The following ALPK1 variants were observed in gnomAD, a reference collection of about 807,000 sequenced individuals.
ALPK1 encodes alpha kinase 1.
Under a neutral mutation model 120.6 loss-of-function variants are expected in ALPK1, and 110 were observed. The observed-to-expected ratio is 0.91, with a 90% CI of 0.78 to 1.07. The LOEUF (loss-of-function observed/expected upper bound fraction) is 1.07, where lower values mean the gene tolerates loss of function less well. Ranked by LOEUF, ALPK1 falls within the 50% of genes least tolerant of loss-of-function variation. The pLI is 0.00. For missense variants in ALPK1, 1,498 were observed against 1,483.9 expected (o/e 1.01, Z -0.16); for synonymous variants, 582 against 560.3 (o/e 1.04, Z -0.55).
At chr4:112,391,966 A>G in intron 4 of ALPK1, among the ~76,000 whole-genome samples, 1 of 110,504 alleles carries the variant, frequency 9.0e-6, no homozygotes, top group South Asian at 3.0e-4. Context: ...ACCCCAGTCC[A>G]CAGGAAAAAA....
intron 2 of ALPK1, chr4:112,356,430 G>A: frequency 1.1e-6 from 1 of 913,312 alleles, no homozygotes. Flanking sequence ...AGACCCCTTA[G>A]CTTGCTACAC....
At chr4:112,392,428 A>G (rs1307444045) in intron 4 of ALPK1, among the ~76,000 whole-genome samples, 1 of 152,100 alleles carries the variant, frequency 6.6e-6, no homozygotes, top group East Asian at 1.9e-4. Flanking sequence ...CCCTAATCCT[A>G]CTGTAACTAT....
chr4:112,323,267 A>T (rs564650529), intron 2 of ALPK1, among the ~76,000 whole-genome samples: 2 of 152,124 alleles, frequency 1.3e-5, no homozygotes, highest in Admixed American at 6.5e-5. Context: ...AAAAATCATT[A>T]TTTTTTTCCT....
At chr4:112,324,171 C>T (rs1046129493) in intron 2 of ALPK1, among the ~76,000 whole-genome samples, 1 of 151,918 alleles carries the variant, frequency 6.6e-6, no homozygotes, top group Non-Finnish European at 1.5e-5. Flanking sequence ...ACTAAAAATA[C>T]AAAAAATTAG....
At chr4:112,357,856 A>G in intron 2 of ALPK1, 1 of 1,150,242 alleles carries the variant, frequency 8.7e-7, no homozygotes, top group East Asian at 2.4e-5. Context: ...CTACTTGGCT[A>G]GGAAGATGGA....
intron 8 of ALPK1, 91 bp downstream of exon 8, chr4:112,426,634 AT>A: frequency 9.4e-7 from 1 of 1,068,288 alleles, no homozygotes; most frequent in Non-Finnish European, 1.3e-6. Context: ...TCATATATCA[AT>A]TTCATCTGTC....
intron 2 of ALPK1, chr4:112,316,171 TCTG>T (rs1257371251): frequency 1.3e-5 from 2 of 152,202 alleles, no homozygotes; most frequent in Non-Finnish European, 1.5e-5. Flanking sequence ...AATTTGAAAC[TCTG>T]CATCCAGTAA....
intron 1 of ALPK1, among the ~76,000 whole-genome samples, chr4:112,313,798 T>C (rs1427373322): frequency 1.3e-5 from 2 of 152,146 alleles, no homozygotes; most frequent in African/African-American, 2.4e-5. Flanking sequence ...TGACAAAATT[T>C]GTTTCAGTGG....
intron 11 of ALPK1, among the ~76,000 whole-genome samples, chr4:112,433,934 C>T (rs1734684173): frequency 6.6e-6 from 1 of 152,180 alleles, no homozygotes; most frequent in Non-Finnish European, 1.5e-5. Context: ...TATCACCTCT[C>T]TGGTGATTCT....
At chr4:112,345,920 A>G (rs886963372) in intron 2 of ALPK1, among the ~76,000 whole-genome samples, 3 of 152,148 alleles carry the variant, frequency 2.0e-5, no homozygotes, top group Non-Finnish European at 4.4e-5. Flanking sequence ...CTGGAGTGCA[A>G]TGGTGCAATC....
chr4:112,332,031 C>G lies in ALPK1; in HGVS notation c.-101+16179C>G, dbSNP rs562526966. ...TGCCAAAGAGGTATGACTTTACGCT[C>G]AAGTCTGGGATCTGTACTATTATTA... is the stretch of plus-strand genomic sequence containing the variant. On this transcript the variant is annotated intron_variant, in intron 2 of 15. Transcript: ENST00000650871. 2.6e-5 allele frequency among the ~76,000 whole-genome samples: 4 copies of G among 152,266 alleles called. No individual in the cohort carries two copies. In the East Asian group the frequency reaches 7.7e-4, roughly 29 times the overall value.
chr4:112,382,701 T>C (rs769513173), intron 4 of ALPK1, 149 bp downstream of exon 4: 2 of 1,124,906 alleles, frequency 1.8e-6, no homozygotes, highest in Non-Finnish European at 2.5e-6. Flanking sequence ...GTGAGGGAAA[T>C]AGCTGTTTGA....
At chr4:112,403,442 A>G (rs1490705170) in intron 4 of ALPK1, among the ~76,000 whole-genome samples, 1 of 152,192 alleles carries the variant, frequency 6.6e-6, no homozygotes, top group Non-Finnish European at 1.5e-5. Context: ...GAAAAGAAAG[A>G]AAAGATTCTC....
rs1734517263 is a variant in ALPK1 at position 112,430,978 on chromosome 4, C to T, written c.1431C>T (p.Asn477=). 1 of 1,613,486 alleles carries T rather than the reference C, an allele frequency of 6.2e-7. No homozygotes were observed. Among genetic ancestry groups the T allele is most frequent in the Non-Finnish European group, 8.5e-7 (1 of 1,179,648 alleles). The change falls in exon 11 of 16, where the codon AAC becomes AAT. Residue 477 remains asparagine (N), a synonymous_variant. Coordinates refer to ENST00000650871, the MANE Select transcript of ALPK1 (RefSeq NM_025144.4). ...TATTTGAAAGTGATTGTGGAAACAA[C>T]AAAAATGAACAGAAAGATGCAAAAA... ...CEVFESDCGN[N]KNEQKDAKTG...
At chr4:112,344,776 A>G (rs985663885) in intron 2 of ALPK1, among the ~76,000 whole-genome samples, 9 of 152,212 alleles carry the variant, frequency 5.9e-5, no homozygotes, top group African/African-American at 2.2e-4. Context: ...CATAAAGCCA[A>G]TATCACAAAG....
chr4:112,356,893 G>A, intron 2 of ALPK1: 1 of 749,532 alleles, frequency 1.3e-6, no homozygotes, highest in South Asian at 1.3e-5. Flanking sequence ...CTCACAAGGT[G>A]AAGAAGACGT....
chr4:112,298,641 T>C (rs1727647736), intron 1 of ALPK1, among the ~76,000 whole-genome samples: 2 of 152,182 alleles, frequency 1.3e-5, no homozygotes, highest in Non-Finnish European at 2.9e-5. Flanking sequence ...ACTTTAAACT[T>C]TTCAAAATCT....
intron 5 of ALPK1, among the ~76,000 whole-genome samples, chr4:112,423,416 G>A (rs1054778581): frequency 1.3e-5 from 2 of 152,190 alleles, no homozygotes; most frequent in African/African-American, 2.4e-5. Flanking sequence ...GGAACCTAGA[G>A]AAAGGAATGT....
At chr4:112,421,858 C>A (rs1734008293) in intron 5 of ALPK1, among the ~76,000 whole-genome samples, 1 of 152,316 alleles carries the variant, frequency 6.6e-6, no homozygotes, top group South Asian at 2.1e-4. Flanking sequence ...TAGACCTTAG[C>A]AACTTTGGCA....
Sources: allele counts gnomAD v4.1 joint callset (sites outside exome capture counted in the v4.1 genomes callset), GRCh38; gene constraint gnomAD v4.1.1; transcripts MANE v1.5; gene names NCBI Gene and HGNC (gene_info 2026-07-23, HGNC 2026-07-21).